The following RBFOX1 variants were observed in gnomAD, a reference collection of about 807,000 sequenced individuals.
RBFOX1 encodes the protein RNA binding protein fox-1 homolog 1.
Under a neutral mutation model 57.7 loss-of-function variants are expected in RBFOX1, and 8 were observed. That is an observed-to-expected ratio of 0.14 (90% CI 0.08 to 0.25). The LOEUF is 0.25. Among genes scored for constraint, RBFOX1 ranks in the 10% least tolerant of loss-of-function variants. The probability of loss-of-function intolerance (pLI) is 1.00; values close to 1 mark genes in which losing one functional copy is unlikely to be tolerated. For synonymous variants in RBFOX1, 326 were observed against 222.4 expected (o/e 1.47, Z -4.15); for missense variants, 611 against 548.5 (o/e 1.11, Z -1.14).
At chr16:5,760,123 A>T (rs767786948) in intron 3 of RBFOX1, among the ~76,000 whole-genome samples, 1 of 152,128 alleles carries the variant, frequency 6.6e-6, no homozygotes, top group East Asian at 1.9e-4. Context: ...TTACATATCA[A>T]ATAAAGCACC....
chr16:6,084,813 A>G (rs1046492638), intron 1 of RBFOX1, among the ~76,000 whole-genome samples: 6 of 152,102 alleles, frequency 3.9e-5, no homozygotes, highest in Non-Finnish European at 8.8e-5. Context: ...AACTCCACAG[A>G]TGGGGAGTCT....
At chr16:5,385,876 C>T (rs528186227) in intron 1 of RBFOX1, among the ~76,000 whole-genome samples, 1 of 152,224 alleles carries the variant, frequency 6.6e-6, no homozygotes, top group African/African-American at 2.4e-5. Context: ...ATTGATTGAC[C>T]TCGTCTTTTG....
At chr16:5,917,411 C>A (rs1422625599) in intron 4 of RBFOX1, among the ~76,000 whole-genome samples, 2 of 152,206 alleles carry the variant, frequency 1.3e-5, no homozygotes, top group Non-Finnish European at 2.9e-5. Context: ...GCTTTCAGAA[C>A]TCATCTTCAT....
intron 4 of RBFOX1, among the ~76,000 whole-genome samples, chr16:7,190,543 A>C (rs1047764941): frequency 1.3e-5 from 2 of 151,372 alleles, no homozygotes; most frequent in Non-Finnish European, 2.9e-5. Context: ...GATGAGCTGG[A>C]GAGTGACCTA....
intron 2 of RBFOX1, among the ~76,000 whole-genome samples, chr16:6,583,820 G>C (rs1239012043): frequency 6.6e-6 from 1 of 152,246 alleles, no homozygotes; most frequent in South Asian, 2.1e-4. Context: ...TTCATTCCCA[G>C]CTTGTTTTAT....
At chr16:7,211,522 A>C (rs2152788863) in intron 4 of RBFOX1, among the ~76,000 whole-genome samples, 1 of 152,304 alleles carries the variant, frequency 6.6e-6, no homozygotes, top group Non-Finnish European at 1.5e-5. Flanking sequence ...AGGGAATTAA[A>C]AACTCCAAGG....
intron 3 of RBFOX1, among the ~76,000 whole-genome samples, chr16:5,709,430 A>G (rs1285458115): frequency 2.6e-5 from 4 of 152,158 alleles, no homozygotes; most frequent in Non-Finnish European, 5.9e-5. Flanking sequence ...TGAGAATTTA[A>G]AACAGATTTT....
intron 2 of RBFOX1, among the ~76,000 whole-genome samples, chr16:6,632,703 C>A (rs970697638): frequency 2.6e-5 from 4 of 152,220 alleles, no homozygotes; most frequent in African/African-American, 9.6e-5. Flanking sequence ...GAAGTGCTTG[C>A]CAGGCCTAAC....
intron 3 of RBFOX1, among the ~76,000 whole-genome samples, chr16:5,722,071 C>G (rs1006054634): frequency 6.6e-6 from 1 of 152,220 alleles, no homozygotes; most frequent in African/African-American, 2.4e-5. Flanking sequence ...GTATTGAACT[C>G]TGTTAGCCAA....
At chr16:7,466,849 A>G (rs1238504802) in intron 4 of RBFOX1, among the ~76,000 whole-genome samples, 1 of 152,192 alleles carries the variant, frequency 6.6e-6, no homozygotes, top group Non-Finnish European at 1.5e-5. Context: ...GAATAAGGAC[A>G]AATTAGAGCA....
At chr16:5,969,128 C>G (rs1197215027) in intron 4 of RBFOX1, among the ~76,000 whole-genome samples, 1 of 151,978 alleles carries the variant, frequency 6.6e-6, no homozygotes, top group African/African-American at 2.4e-5. Context: ...TCTTGTATCC[C>G]TTTCTCAATG....
At chr16:6,759,473 CTGTGTGTGTG>C (rs71145287) in intron 3 of RBFOX1, among the ~76,000 whole-genome samples, 2,438 of 143,140 alleles carry the variant, frequency 0.017, 31 homozygotes, top group African/African-American at 0.031. Context: ...TGTCAGTTGT[CTGTGTGTGTG>C]TGTGTGTGTG....
chr16:7,634,595 C>A (rs1191403525), intron 11 of RBFOX1, among the ~76,000 whole-genome samples: 1 of 152,098 alleles, frequency 6.6e-6, no homozygotes, highest in Non-Finnish European at 1.5e-5. Flanking sequence ...TTAAGTGAAT[C>A]ATCCTAACAA....
At chr16:7,175,629 T>C (rs4569299) in intron 4 of RBFOX1, among the ~76,000 whole-genome samples, 73,325 of 152,050 alleles carry the variant, frequency 0.48, 19,526 homozygotes, top group African/African-American at 0.73. Context: ...ATCCATTATC[T>C]CACCCCAACA....
At chr16:6,490,163 T>G (rs115558153) in intron 2 of RBFOX1, among the ~76,000 whole-genome samples, 2 of 152,128 alleles carry the variant, frequency 1.3e-5, no homozygotes, top group African/African-American at 4.8e-5. Flanking sequence ...TTTTAGTGAA[T>G]AGCAAATGCT....
At chr16:5,620,932 C>T (rs2048182512) in intron 3 of RBFOX1, among the ~76,000 whole-genome samples, 1 of 151,218 alleles carries the variant, frequency 6.6e-6, no homozygotes, top group East Asian at 2.0e-4. Flanking sequence ...GTTCCGCCTC[C>T]CGGGTTCCTG....
At chr16:7,386,186 G>A (rs920010536) in intron 4 of RBFOX1, among the ~76,000 whole-genome samples, 2 of 151,996 alleles carry the variant, frequency 1.3e-5, no homozygotes, top group African/African-American at 2.4e-5. Context: ...AGGGCAAAGC[G>A]GGTATCTGCA....
intron 3 of RBFOX1, among the ~76,000 whole-genome samples, chr16:5,617,368 C>G (rs1258478554): frequency 6.6e-6 from 1 of 152,180 alleles, no homozygotes; most frequent in Admixed American, 6.5e-5. Flanking sequence ...AGTTTTCTGG[C>G]TCAGTCTTCT....
intron 2 of RBFOX1, among the ~76,000 whole-genome samples, chr16:6,596,311 A>G (rs554232175): frequency 6.6e-6 from 1 of 152,118 alleles, no homozygotes; most frequent in East Asian, 1.9e-4. Flanking sequence ...AAGGATTTGC[A>G]TTTGTATCTT....
Sources: gnomAD v4.1 joint callset for allele counts (sites outside exome capture counted in the v4.1 genomes callset) on GRCh38, gnomAD v4.1.1 for gene constraint, MANE v1.5 for transcripts, NCBI Gene and HGNC (gene_info 2026-07-23, HGNC 2026-07-21) for gene names.